Variants in DENND1B observed in about 807,000 individuals in gnomAD.
The protein encoded by DENND1B is DENN domain-containing protein 1B.
Under a neutral mutation model 90.1 loss-of-function variants are expected in DENND1B, and 59 were observed. The ratio of observed to expected loss-of-function variants is 0.65; its 90% CI spans 0.53 to 0.81. The LOEUF (loss-of-function observed/expected upper bound fraction) is 0.81, where lower values mean the gene tolerates loss of function less well. Among genes scored for constraint, DENND1B ranks in the 40% least tolerant of loss-of-function variants. The pLI, the probability that DENND1B is intolerant of heterozygous loss-of-function variation, is 0.00. For synonymous variants in DENND1B, 337 were observed against 324.6 expected, an observed-to-expected ratio of 1.04 and a Z score of -0.41; for missense variants, 862 against 912.6, an observed-to-expected ratio of 0.94 and a Z score of 0.71.
At chr1:197,640,403 G>A (rs1211376786) in intron 10 of DENND1B, among the ~76,000 whole-genome samples, 3 of 151,260 alleles carry the variant, frequency 2.0e-5, no homozygotes, top group Non-Finnish European at 2.9e-5. Flanking sequence ...AACCTGGAAG[G>A]CAGAGGTTAG....
At chr1:197,632,016 T>C (rs1315763167) in intron 10 of DENND1B, among the ~76,000 whole-genome samples, 1 of 152,136 alleles carries the variant, frequency 6.6e-6, no homozygotes, top group Non-Finnish European at 1.5e-5. Flanking sequence ...CAAAAGACTC[T>C]TGCCTGGAAA....
At chr1:197,736,653 T>C (rs1360052394) in intron 2 of DENND1B, among the ~76,000 whole-genome samples, 2 of 152,208 alleles carry the variant, frequency 1.3e-5, no homozygotes, top group Non-Finnish European at 2.9e-5. Context: ...TGTTTTAAAT[T>C]AAAATAATAA....
At chr1:197,599,252 T>C (rs377592370) in intron 13 of DENND1B, among the ~76,000 whole-genome samples, 27 of 151,778 alleles carry the variant, frequency 1.8e-4, no homozygotes, top group East Asian at 9.7e-4. Flanking sequence ...GGGTTGAGTT[T>C]TTCTGAGAAG....
At chr1:197,736,426 G>A (rs1440338041) in intron 2 of DENND1B, among the ~76,000 whole-genome samples, 1 of 152,058 alleles carries the variant, frequency 6.6e-6, no homozygotes, top group Non-Finnish European at 1.5e-5. Flanking sequence ...ATAGCTTACT[G>A]CAGCCTCAGT....
At chr1:197,688,890 A>G (rs1657545841) in intron 3 of DENND1B, 1 of 214,738 alleles carries the variant, frequency 4.7e-6, no homozygotes, top group African/African-American at 2.3e-5. Flanking sequence ...AAATGTGAGG[A>G]CAAGACTGCT....
intron 5 of DENND1B, among the ~76,000 whole-genome samples, chr1:197,670,727 C>A (rs1655420270): frequency 6.6e-6 from 1 of 151,844 alleles, no homozygotes; most frequent in Admixed American, 6.6e-5. Flanking sequence ...GATATACTCC[C>A]CTTTAAACTG....
At chr1:197,543,072 C>T (rs976605308) in intron 18 of DENND1B, among the ~76,000 whole-genome samples, 1 of 151,858 alleles carries the variant, frequency 6.6e-6, no homozygotes, top group African/African-American at 2.4e-5. Flanking sequence ...GTAGCTGGGA[C>T]CATAGGAGCA....
chr1:197,573,093 C>T (rs1383399867), intron 15 of DENND1B, among the ~76,000 whole-genome samples: 1 of 152,084 alleles, frequency 6.6e-6, no homozygotes, highest in Non-Finnish European at 1.5e-5. Context: ...AAAACCAGCT[C>T]CTGGATTCAT....
chr1:197,771,922 AT>A (rs1656666243), intron 2 of DENND1B, among the ~76,000 whole-genome samples: 2 of 152,230 alleles, frequency 1.3e-5, no homozygotes, highest in African/African-American at 4.8e-5. Context: ...TACCACACAT[AT>A]GCACAATACA....
At chr1:197,735,047 A>T in intron 2 of DENND1B, 2 of 984,682 alleles carry the variant, frequency 2.0e-6, no homozygotes, top group Non-Finnish European at 2.4e-6. Context: ...GAAAAAGCGG[A>T]CAAAATTTTA....
At chr1:197,685,683 A>C (rs1323020825) in intron 3 of DENND1B, 2 of 152,312 alleles carry the variant, frequency 1.3e-5, no homozygotes, top group East Asian at 3.9e-4. Flanking sequence ...GAAGGAACAA[A>C]GAAATGTTAA....
chr1:197,699,526 C>G (rs1464151251), intron 3 of DENND1B, among the ~76,000 whole-genome samples: 1 of 152,154 alleles, frequency 6.6e-6, no homozygotes, highest in Non-Finnish European at 1.5e-5. Context: ...TCTCACTACT[C>G]CTATTCAACA....
chr1:197,574,253 C>T (rs1305539967), intron 15 of DENND1B, among the ~76,000 whole-genome samples: 1 of 152,176 alleles, frequency 6.6e-6, no homozygotes, highest in Non-Finnish European at 1.5e-5. Context: ...TCTCAGGATA[C>T]AAAATCAGTG....
At chr1:197,779,291 G>A (rs2102536349), upstream of DENND1B, among the ~76,000 whole-genome samples, 1 of 152,276 alleles carries the variant, frequency 6.6e-6, no homozygotes, top group Non-Finnish European at 1.5e-5. Context: ...AACTTTGAAA[G>A]TAATCTTAAA....
chr1:197,511,147 T>A (rs1668000548), intron 22 of DENND1B, among the ~76,000 whole-genome samples, 175 bp from the exon 23 acceptor site: 1 of 151,840 alleles, frequency 6.6e-6, no homozygotes, highest in Non-Finnish European at 1.5e-5. Context: ...TGAAATGGAA[T>A]GGACTTTGGT....
chr1:197,773,891 T>C (rs1656923469), intron 1 of DENND1B, among the ~76,000 whole-genome samples: 1 of 152,248 alleles, frequency 6.6e-6, no homozygotes, highest in Non-Finnish European at 1.5e-5. Context: ...AGTGCCTTTG[T>C]ACATTGGCTG....
intron 5 of DENND1B, among the ~76,000 whole-genome samples, chr1:197,670,482 T>TGTGTGTGTGTGTGTGC (rs1655389098): frequency 6.6e-6 from 1 of 150,432 alleles, no homozygotes; most frequent in Non-Finnish European, 1.5e-5. Flanking sequence ...TGTGTGTGTG[T>TGTGTGTGTGTGTGTGC]GTATTGAGAG....
intron 10 of DENND1B, among the ~76,000 whole-genome samples, chr1:197,635,526 CAG>C (rs1186904100): frequency 1.3e-5 from 2 of 151,388 alleles, no homozygotes; most frequent in African/African-American, 4.9e-5. Context: ...TTTGTAGAGA[CAG>C]GGTCTCACTA....
intron 5 of DENND1B, among the ~76,000 whole-genome samples, chr1:197,670,253 T>G (rs1022119845): frequency 7.2e-5 from 11 of 152,192 alleles, no homozygotes; most frequent in African/African-American, 2.7e-4. Context: ...TGTGAATGAT[T>G]AATAAGTTCA....
Sources: gnomAD v4.1 joint callset for allele counts (sites outside exome capture counted in the v4.1 genomes callset) on GRCh38, gnomAD v4.1.1 for gene constraint, MANE v1.5 for transcripts, NCBI Gene and HGNC (gene_info 2026-07-23, HGNC 2026-07-21) for gene names.